Variants in CDC42BPA observed in about 807,000 individuals in gnomAD.
CDC42BPA encodes serine/threonine-protein kinase MRCK alpha.
CDC42BPA carries 80 observed loss-of-function variants against 223.5 expected under a neutral mutation model. That is an observed-to-expected ratio of 0.36 (90% CI 0.30 to 0.43). The LOEUF is 0.43. CDC42BPA is among the 20% of genes least tolerant of loss of function. CDC42BPA has a pLI of 1.00. For missense variants in CDC42BPA, 1,743 were observed against 2,099.9 expected (o/e 0.83, Z 3.32); for synonymous variants, 694 against 718.6 (o/e 0.97, Z 0.55).
intron 2 of CDC42BPA, among the ~76,000 whole-genome samples, chr1:227,239,845 C>T (rs1679720724): frequency 6.6e-6 from 1 of 152,030 alleles, no homozygotes; most frequent in Admixed American, 6.5e-5. Context: ...ATTCTTCCTC[C>T]CTCAGTTCAG....
Position 227,260,884 on chromosome 1 carries a change from A to G in CDC42BPA, c.179-6729T>C, listed in dbSNP as rs576206627. Among the ~76,000 whole-genome samples the G allele has an allele frequency of 8.8e-4, 133 of 151,128 alleles. 11 individuals carry two copies. Among genetic ancestry groups the G allele is most frequent in the African/African-American group, 3.1e-3 (124 of 40,440 alleles). On this transcript the variant is annotated intron_variant, in intron 1 of 36. Coordinates refer to ENST00000366766, the MANE Select transcript of CDC42BPA (RefSeq NM_001394014.1). ...CTAGAAGAGAATAGGGAAGAATGAG[A>G]AAAGAGTAGTTAATAAAGCCATGTT...
chr1:227,117,915 C>G (rs1052526644), intron 12 of CDC42BPA, among the ~76,000 whole-genome samples: 3 of 151,130 alleles, frequency 2.0e-5, no homozygotes, highest in Non-Finnish European at 4.4e-5. Context: ...TCCAAGAATT[C>G]TTATAACCAG....
intron 10 of CDC42BPA, 49 bp downstream of exon 10, chr1:227,139,527 C>A (rs1303490208): frequency 4.9e-6 from 6 of 1,234,820 alleles, no homozygotes; most frequent in Non-Finnish European, 2.2e-6. Flanking sequence ...CAGCTCATAA[C>A]ACTGTGAGTA....
At position 227,213,196 on chromosome 1, in the gene CDC42BPA, AT is replaced by A. The variant is rs1558779048; in HGVS notation, c.293del (p.Asn98MetfsTer8). ...FGEVAVVKLKNADKVFAMKIL... is the reference protein window; with the variant it reads ...FGEVAVVKLKXADKVFAMKIL... Reference sequence around the variant, plus strand: ...TTTTCATGGCAAACACTTTATCTGCATTTTTTAGTTTTACTACAGCAACCTA... The same window carrying A: ...TTTTCATGGCAAACACTTTATCTGCATTTTTAGTTTTACTACAGCAACCTA... On this transcript the variant is annotated frameshift_variant, in exon 3 of 37. Transcript: ENST00000366766. LOFTEE classifies it high-confidence loss of function. 4.5e-6 allele frequency: 7 copies of A among 1,559,296 alleles called. No individual in the cohort carries two copies. The highest frequency in any genetic ancestry group is 6.1e-6 in the Non-Finnish European group (7 of 1,139,038).
At chr1:227,302,726 T>C (rs551532470) in intron 1 of CDC42BPA, among the ~76,000 whole-genome samples, 90 of 152,274 alleles carry the variant, frequency 5.9e-4, no homozygotes, top group African/African-American at 2.0e-3. Context: ...CAAAGTGCTC[T>C]TTTAGAATTC....
At chr1:227,039,856 A>G (rs909013875) in intron 24 of CDC42BPA, among the ~76,000 whole-genome samples, 3 of 87,206 alleles carry the variant, frequency 3.4e-5, no homozygotes, top group African/African-American at 1.3e-4. Flanking sequence ...TTAAAATTCA[A>G]TGAATTTTCT....
chr1:227,261,869 G>C (rs1254677460), intron 1 of CDC42BPA, among the ~76,000 whole-genome samples: 2 of 152,116 alleles, frequency 1.3e-5, no homozygotes, highest in African/African-American at 4.8e-5. Context: ...GTGGGGGGCA[G>C]CATAAGAGGA....
At chr1:227,052,714 T>C (rs964567802) in intron 21 of CDC42BPA, among the ~76,000 whole-genome samples, 1 of 152,194 alleles carries the variant, frequency 6.6e-6, no homozygotes, top group South Asian at 2.1e-4. Context: ...TTTGAATATG[T>C]TGTACAGCAA....
At chr1:227,117,872 A>G (rs975457832) in intron 12 of CDC42BPA, among the ~76,000 whole-genome samples, 6 of 152,186 alleles carry the variant, frequency 3.9e-5, no homozygotes, top group African/African-American at 1.2e-4. Flanking sequence ...TGTAACACAT[A>G]TAACTCACAA....
intron 27 of CDC42BPA, among the ~76,000 whole-genome samples, chr1:227,033,067 T>C (rs577431951): frequency 1.3e-5 from 2 of 152,318 alleles, no homozygotes; most frequent in Admixed American, 6.5e-5. Context: ...GTGGTAGTAT[T>C]TATTTAAAAA....
intron 2 of CDC42BPA, among the ~76,000 whole-genome samples, chr1:227,220,171 G>A (rs898829102): frequency 1.3e-5 from 2 of 151,642 alleles, no homozygotes; most frequent in African/African-American, 4.8e-5. Flanking sequence ...CAGGACAGTA[G>A]AGCAAATTTG....
intron 5 of CDC42BPA, among the ~76,000 whole-genome samples, chr1:227,188,095 T>A (rs767482539): frequency 1.3e-5 from 2 of 152,104 alleles, no homozygotes; most frequent in African/African-American, 2.4e-5. Context: ...AATGAATAAG[T>A]GAAGGTAAAA....
chr1:227,291,218 G>T (rs555541210), intron 1 of CDC42BPA, among the ~76,000 whole-genome samples: 5 of 152,008 alleles, frequency 3.3e-5, no homozygotes, highest in African/African-American at 1.2e-4. Context: ...ATGTTGCTCC[G>T]GTGCCATCTG....
chr1:227,003,844 A>C (rs1217134536), intron 35 of CDC42BPA, among the ~76,000 whole-genome samples: 1 of 152,086 alleles, frequency 6.6e-6, no homozygotes, highest in Non-Finnish European at 1.5e-5. Flanking sequence ...AACAAACAAA[A>C]AAAACGGAGA....
chr1:227,182,883 C>G (rs1411927504), intron 5 of CDC42BPA: 1 of 152,228 alleles, frequency 6.6e-6, no homozygotes, highest in Non-Finnish European at 1.5e-5. Context: ...AAGCCTGCTT[C>G]CGCTTTCCCT....
At chr1:227,172,936 C>G (rs912792263) in intron 5 of CDC42BPA, among the ~76,000 whole-genome samples, 4 of 152,162 alleles carry the variant, frequency 2.6e-5, no homozygotes, top group Non-Finnish European at 5.9e-5. Context: ...CCAATAGCAT[C>G]TGATCTCAGG....
chr1:227,081,151 T>A, intron 16 of CDC42BPA, 134 bp from the exon 17 acceptor site: 1 of 800,322 alleles, frequency 1.2e-6, no homozygotes. Context: ...TCCCTTTTGC[T>A]CACTGAATTT....
intron 23 of CDC42BPA, among the ~76,000 whole-genome samples, chr1:227,042,687 GT>G: frequency 6.6e-6 from 1 of 152,114 alleles, no homozygotes; most frequent in Admixed American, 6.5e-5. Flanking sequence ...TAATATCCCT[GT>G]TTCCTGCCTC....
At chr1:227,268,306 C>A (rs1176371588) in intron 1 of CDC42BPA, among the ~76,000 whole-genome samples, 2 of 152,126 alleles carry the variant, frequency 1.3e-5, no homozygotes, top group African/African-American at 4.8e-5. Context: ...GTGCAGCTCA[C>A]AAAGCCAAAG....
Sources: gnomAD v4.1 joint callset for allele counts (sites outside exome capture counted in the v4.1 genomes callset) on GRCh38, gnomAD v4.1.1 for gene constraint, MANE v1.5 for transcripts, NCBI Gene and HGNC (gene_info 2026-07-23, HGNC 2026-07-21) for gene names.